PER2: variants seen among roughly 807,000 people sequenced by gnomAD.
PER2 encodes period circadian protein homolog 2.
Under a neutral mutation model 121.0 loss-of-function variants are expected in PER2, and 66 were observed. The ratio of observed to expected loss-of-function variants is 0.55; its 90% CI spans 0.45 to 0.67. The LOEUF (loss-of-function observed/expected upper bound fraction) is 0.67. Ranked by LOEUF, PER2 falls within the 30% of genes least tolerant of loss-of-function variation. The pLI is 0.00. For synonymous variants in PER2, 684 were observed against 659.9 expected (o/e 1.04, Z -0.56); for missense variants, 1,521 against 1,635.0 (o/e 0.93, Z 1.20).
Position 238,250,744 on chromosome 2 carries a change from C to T in PER2, c.3275-1G>A, listed in dbSNP as rs1232950702. On this transcript the variant is annotated splice_acceptor_variant, in intron 20 of 22. Transcript: ENST00000254657. LOFTEE classifies it high-confidence loss of function. ...CTGGTATGACTTGTGTCACTACTGC[C>T]TTTAAAAACAAAAAACGTGGTGCGT... 1 of 1,609,130 alleles carries T rather than the reference C, an allele frequency of 6.2e-7. No homozygotes were observed. Among genetic ancestry groups the T allele is most frequent in the African/African-American group, 1.3e-5 (1 of 74,854 alleles).
At chr2:238,259,788 G>A (rs190036709) in intron 14 of PER2, among the ~76,000 whole-genome samples, 181 bp downstream of exon 14, 2 of 152,294 alleles carry the variant, frequency 1.3e-5, no homozygotes, top group East Asian at 3.9e-4. Context: ...CTGGCTGAGT[G>A]CAGGACTGGG....
intron 9 of PER2, among the ~76,000 whole-genome samples, chr2:238,264,052 C>T (rs1004258033): frequency 5.3e-5 from 8 of 152,100 alleles, no homozygotes; most frequent in Admixed American, 3.9e-4. Context: ...GGAGGGGGAG[C>T]CCTGGCTGTC....
chr2:238,298,067 C>T, the PER2 span, among the ~76,000 whole-genome samples: 1 of 144,968 alleles, frequency 6.9e-6, no homozygotes, highest in Non-Finnish European at 1.5e-5. Flanking sequence ...GAGTCTCGCT[C>T]TGTCCCCCAG....
intron 16 of PER2, among the ~76,000 whole-genome samples, chr2:238,257,914 T>C (rs148695399): frequency 6.6e-6 from 1 of 152,384 alleles, no homozygotes; most frequent in East Asian, 1.9e-4. Flanking sequence ...AAAGAGGGCC[T>C]GCCCTAGACT....
intron 6 of PER2, 68 bp downstream of exon 6, chr2:238,271,244 G>C: frequency 7.1e-7 from 1 of 1,406,474 alleles, no homozygotes; most frequent in African/African-American, 1.4e-5. Context: ...ACCACATCTG[G>C]GTTGGGCCCA....
Position 238,255,754 on chromosome 2 carries a change from G to A in PER2, c.2223C>T (p.Phe741=). 6.2e-7 allele frequency: 1 copy of A among 1,614,206 alleles called. No homozygotes were observed. Among genetic ancestry groups the A allele is most frequent in the Non-Finnish European group, 8.5e-7 (1 of 1,180,036 alleles). ...TTCTTATTTCTTTGAACTTCTGCAG[G>A]AAGCTCTGCTCCTCCTTCTGTGTGT... ...AAHTQKEEQS[F]LQKFKEIRKL... The change falls in exon 18 of 23, where the codon TTC becomes TTT. Residue 741 remains phenylalanine (F), a synonymous_variant. Coordinates refer to ENST00000254657, the MANE Select transcript of PER2 (RefSeq NM_022817.3).
At chr2:238,263,179 C>A in intron 9 of PER2, 121 bp from the exon 10 acceptor site, 1 of 704,610 alleles carries the variant, frequency 1.4e-6, no homozygotes, top group South Asian at 1.5e-5. Flanking sequence ...CCTCCCCCAC[C>A]CCCGGAGATC....
intron 1 of PER2, among the ~76,000 whole-genome samples, chr2:238,287,021 G>A (rs918862484): frequency 6.6e-6 from 1 of 152,216 alleles, no homozygotes; most frequent in Non-Finnish European, 1.5e-5. Context: ...GGGAATTAAA[G>A]TAGACCTCTG....
At chr2:238,271,257 TC>T in intron 6 of PER2, 54 bp downstream of exon 6, 1 of 1,500,600 alleles carries the variant, frequency 6.7e-7, no homozygotes, top group Non-Finnish European at 9.3e-7. Flanking sequence ...TGGGCCCAGC[TC>T]CTGGCCCCTT....
At chr2:238,285,537 G>A (rs1479259763) in intron 1 of PER2, among the ~76,000 whole-genome samples, 1 of 152,224 alleles carries the variant, frequency 6.6e-6, no homozygotes, top group Non-Finnish European at 1.5e-5. Flanking sequence ...AAGTCTTACT[G>A]TACTCAATAC....
At chr2:238,280,980 T>C (rs1696612024) in intron 1 of PER2, among the ~76,000 whole-genome samples, 1 of 151,586 alleles carries the variant, frequency 6.6e-6, no homozygotes. Context: ...TCAGCAATAT[T>C]ACATTTCCAG....
In PER2 at chr2:238,262,626, C is replaced by G. The variant is rs1403138540; in HGVS notation, c.1154-282G>C. 2.6e-5 allele frequency among the ~76,000 whole-genome samples: 4 copies of G among 152,290 alleles called. No homozygotes were observed. The South Asian group carries it at 8.3e-4, about 32-fold the overall frequency. ...GACATGCACTGTGCACTCCCCTGGC[C>G]TGGTGAGAACCTTCCTAGCCACAGA... is the stretch of plus-strand genomic sequence containing the variant. On this transcript the variant is annotated intron_variant, in intron 10 of 22. Transcript: ENST00000254657.
At chr2:238,258,688 C>T (rs780107837) in intron 14 of PER2, 44 bp from the exon 15 acceptor site, 3 of 1,594,220 alleles carry the variant, frequency 1.9e-6, no homozygotes, top group Non-Finnish European at 2.6e-6. Context: ...TTTTCTCCCA[C>T]AGAAAACGCT....
intron 1 of PER2, among the ~76,000 whole-genome samples, chr2:238,284,041 G>A (rs1407283950): frequency 2.0e-5 from 3 of 152,158 alleles, no homozygotes; most frequent in Admixed American, 2.0e-4. Flanking sequence ...TTGTGAGATG[G>A]GGTAACAGTA....
intron 3 of PER2, among the ~76,000 whole-genome samples, chr2:238,276,217 T>C (rs1203726448): frequency 6.6e-6 from 1 of 152,260 alleles, no homozygotes; most frequent in Admixed American, 6.5e-5. Context: ...GGTGGGGCTC[T>C]GTAGGACATC....
chr2:238,271,465 T>C lies in PER2; in HGVS notation c.619A>G (p.Ile207Val), dbSNP rs1559332511. The C allele has an allele frequency of 3.1e-6, 5 of 1,614,000 alleles. No individual in the cohort carries two copies. The highest frequency in any genetic ancestry group is 1.6e-4 in the Middle Eastern group (1 of 6,082). ...VSLVSGKILY[I>V]SDQVASIFHC... ...AATATGGATGCAACCTGGTCAGAGATGTACAGGATCTTCCCAGACACCAGG... is the reference window on the plus strand; with the variant it reads ...AATATGGATGCAACCTGGTCAGAGACGTACAGGATCTTCCCAGACACCAGG... Residue 207 changes from isoleucine (I) to valine (V), a missense_variant, in exon 6 of 23, where the codon ATC becomes GTC. Coordinates refer to ENST00000254657, the MANE Select transcript of PER2 (RefSeq NM_022817.3).
chr2:238,264,102 A>C (rs1696022993), intron 9 of PER2, among the ~76,000 whole-genome samples: 1 of 152,172 alleles, frequency 6.6e-6, no homozygotes, highest in Admixed American at 6.5e-5. Context: ...AGGCTTCATC[A>C]AGGAGAGCTT....
chr2:238,251,443 A>C (rs73088916), intron 20 of PER2, among the ~76,000 whole-genome samples, 156 bp downstream of exon 20: 6,943 of 152,252 alleles, frequency 0.046, 358 homozygotes, highest in African/African-American at 0.12. Context: ...CTGAACAGGG[A>C]GAGTGTGTCT....
In PER2 at chr2:238,260,045, A is replaced by G; in HGVS notation, c.1551T>C (p.Cys517=). 1 of 1,449,244 alleles carries G rather than the reference A, an allele frequency of 6.9e-7. No homozygotes were observed. 89.8% of individuals were successfully genotyped at this position (1,449,244 alleles called of 1,614,324 possible). A position where few individuals can be genotyped will look rare whatever the true frequency, so the allele number is the denominator to read the frequency against. The change falls in exon 14 of 23, where the codon TGT becomes TGC. Residue 517 remains cysteine, a synonymous_variant. Coordinates refer to ENST00000254657, the MANE Select transcript of PER2 (RefSeq NM_022817.3). ...TATTTTTGGTCTTGTTACCATTTTT[A>G]CAAATTTCCTTGAAGAAAAACAAAA... ...EDSRRRRAEI[C]KNGNKTKNRS... is the part of the protein sequence containing the mutation.
Sources: allele counts gnomAD v4.1 joint callset (sites outside exome capture counted in the v4.1 genomes callset), GRCh38; gene constraint gnomAD v4.1.1; transcripts MANE v1.5; gene names NCBI Gene and HGNC (gene_info 2026-07-23, HGNC 2026-07-21).